Variants in KCNQ1 observed in about 807,000 individuals in gnomAD.
KCNQ1 encodes potassium voltage-gated channel subfamily KQT member 1.
Under a neutral mutation model 72.4 loss-of-function variants are expected in KCNQ1, and 49 were observed. That is an observed-to-expected ratio of 0.68 (90% CI 0.54 to 0.86). The LOEUF is 0.86. Among genes scored for constraint, KCNQ1 ranks in the 40% least tolerant of loss-of-function variants. The probability of loss-of-function intolerance (pLI) is 0.00; values close to 1 mark genes in which losing one functional copy is unlikely to be tolerated. For missense variants in KCNQ1, 790 were observed against 945.1 expected (o/e 0.84, Z 2.15); for synonymous variants, 450 against 412.6 (o/e 1.09, Z -1.10).
rs764403483 is a variant in KCNQ1 at position 2,572,926 on chromosome 11, G to A, written c.861G>A (p.Ala287=). ...SYFVYLAEKD[A]VNESGRVEFG... is the part of the protein sequence containing the mutation. ...TTGTGTACCTGGCTGAGAAGGACGCGGTGAACGAGTCAGGCCGCGTGGAGT... is the reference window on the plus strand; with the variant it reads ...TTGTGTACCTGGCTGAGAAGGACGCAGTGAACGAGTCAGGCCGCGTGGAGT... The change falls in exon 6 of 16, where the codon GCG becomes GCA. Residue 287 remains alanine, a synonymous_variant. Transcript: ENST00000155840. The A allele has an allele frequency of 1.8e-5, 29 of 1,613,710 alleles. No individual in the cohort carries two copies. In the South Asian group the frequency reaches 2.0e-4, roughly 11 times the overall value.
rs199472686 is a variant in KCNQ1 at position 2,527,948 on chromosome 11, G to T, written c.407G>T (p.Cys136Phe). 1.2e-6 allele frequency: 2 copies of T among 1,614,098 alleles called. No individual in the cohort carries two copies. The highest frequency in any genetic ancestry group is 1.7e-6 in the Non-Finnish European group (2 of 1,180,014). ...HFAVFLIVLV[C>F]LIFSVLSTIE... ...TGCAGCTTCCTCATCGTCCTGGTCT[G>T]CCTCATCTTCAGCGTGCTGTCCACC... is the stretch of plus-strand genomic sequence containing the variant. Residue 136 changes from cysteine to phenylalanine, a missense_variant, in exon 2 of 16, where the codon TGC becomes TTC. Physicochemically the swap from Cys to Phe is radical, Grantham distance 205. Coordinates refer to ENST00000155840, the MANE Select transcript of KCNQ1 (RefSeq NM_000218.3).
In KCNQ1 at chr11:2,767,703, A is replaced by G. The variant is rs567191418; in HGVS notation, c.1515-1141A>G. ...CTTCTAGATAGCTTCTAAACCCCAA[A>G]GCTTCTCTCCACAGTGCCATGCGTC... is the stretch of plus-strand genomic sequence containing the variant. On this transcript the variant is annotated intron_variant, in intron 11 of 15. Transcript: ENST00000155840. This position sits in a 1 kb window ranked among gnomAD's most constrained non-coding sequence, Gnocchi z 4.6. Among the ~76,000 whole-genome samples, 4 of 152,294 alleles carry G rather than the reference A, an allele frequency of 2.6e-5. No homozygotes were observed. Among genetic ancestry groups the G allele is most frequent in the African/African-American group, 9.6e-5 (4 of 41,558 alleles).
chr11:2,522,694 TGACAGCCAGCCTGGCCCA>T (rs1269902516), intron 1 of KCNQ1, among the ~76,000 whole-genome samples: 2 of 152,266 alleles, frequency 1.3e-5, no homozygotes, highest in African/African-American at 4.8e-5. Flanking sequence ...ATGGCAAGGC[TGACAGCCAGCCTGGCCCA>T]TGGGCACCTG....
chr11:2,610,652 G>C, intron 10 of KCNQ1: 1 of 395,912 alleles, frequency 2.5e-6, no homozygotes. Flanking sequence ...TTGTTTATCT[G>C]GGAATGCTTT....
At chr11:2,694,014 T>C in intron 11 of KCNQ1, 1 of 398,688 alleles carries the variant, frequency 2.5e-6, no homozygotes, top group Non-Finnish European at 4.4e-6. Context: ...CACCTCCAAC[T>C]TGGTCAAGCC....
At position 2,720,883 on chromosome 11, in the gene KCNQ1, T is replaced by G. The variant is rs1265630282; in HGVS notation, c.1515-47961T>G. Among the ~76,000 whole-genome samples the G allele has an allele frequency of 3.3e-5, 5 of 152,056 alleles. No individual in the cohort carries two copies. The highest frequency in any genetic ancestry group is 5.9e-5 in the Non-Finnish European group (4 of 67,998). On this transcript the variant is annotated intron_variant, in intron 11 of 15. Transcript: ENST00000155840. This position sits in a 1 kb window ranked among gnomAD's most constrained non-coding sequence, Gnocchi z 5.1. ...TGGGAGTTGGGGCCTGGCCTGGACC[T>G]CGAGGCCACTGGGGACTTGGCTACC...
At chr11:2,467,211 G>T (rs1291204474) in intron 1 of KCNQ1, among the ~76,000 whole-genome samples, 1 of 152,186 alleles carries the variant, frequency 6.6e-6, no homozygotes, top group East Asian at 1.9e-4. Flanking sequence ...CTGTGAGGGG[G>T]TCTGGGTTTA....
rs1405559782 is a variant in KCNQ1, at chr11:2,588,353, C to G, written c.1252-360C>G. ...CAGCCTGCTCCCTCACTTCAGGCGC[C>G]CTCTTCATGCCCTGCTGGCCCCCAG... On this transcript the variant is annotated intron_variant, in intron 9 of 15. Coordinates refer to ENST00000155840, the MANE Select transcript of KCNQ1 (RefSeq NM_000218.3). The surrounding 1 kb of genome is among the most constrained non-coding windows in gnomAD (Gnocchi z 5.6). Among the ~76,000 whole-genome samples the G allele has an allele frequency of 6.6e-6, 1 of 152,218 alleles. No homozygotes were observed. The highest frequency in any genetic ancestry group is 1.5e-5 in the Non-Finnish European group (1 of 68,036).
chr11:2,771,983 G>A (rs1371311167), intron 12 of KCNQ1, among the ~76,000 whole-genome samples: 1 of 152,152 alleles, frequency 6.6e-6, no homozygotes, highest in Non-Finnish European at 1.5e-5. Flanking sequence ...CCTGGCCCTG[G>A]GAGCCTTGCA....
At chr11:2,455,188 C>G (rs1242174057) in intron 1 of KCNQ1, among the ~76,000 whole-genome samples, 3 of 151,852 alleles carry the variant, frequency 2.0e-5, no homozygotes, top group East Asian at 1.9e-4. Context: ...AGCTCTGCCT[C>G]CCAGGTTCAC....
At position 2,585,121 on chromosome 11, in the gene KCNQ1, C is replaced by G; in HGVS notation, c.1033-91C>G. ...TCCAGCACTGACCATACCTGGCCTT[C>G]CCACAACGGTGACCGGTAACCACGT... On this transcript the variant is annotated intron_variant, in intron 7 of 15. Coordinates refer to ENST00000155840, the MANE Select transcript of KCNQ1 (RefSeq NM_000218.3). 3 of 1,175,496 alleles carry G rather than the reference C, an allele frequency of 2.6e-6. No homozygotes were observed. The South Asian group carries it at 3.7e-5, about 14-fold the overall frequency. 72.8% of individuals were successfully genotyped at this position (1,175,496 alleles called of 1,614,324 possible).
In KCNQ1 at chr11:2,588,236, G is replaced by A. The variant is rs1405320898; in HGVS notation, c.1252-477G>A. Among the ~76,000 whole-genome samples the A allele has an allele frequency of 6.6e-6, 1 of 152,086 alleles. No individual in the cohort carries two copies. Among genetic ancestry groups the A allele is most frequent in the Non-Finnish European group, 1.5e-5 (1 of 67,984 alleles). ...CCTTCCTGGCCCGTGCCCACCCCCT[G>A]TGGAGAGACCTGGCCTTCCCAGTTT... is the stretch of plus-strand genomic sequence containing the variant. On this transcript the variant is annotated intron_variant, in intron 9 of 15. Transcript: ENST00000155840. This position sits in a 1 kb window ranked among gnomAD's most constrained non-coding sequence, Gnocchi z 5.6.
chr11:2,704,539 AG>A lies in KCNQ1; in HGVS notation c.1514+42460del, dbSNP rs1442517323. On this transcript the variant is annotated intron_variant, in intron 11 of 15. Transcript: ENST00000155840. This position sits in a 1 kb window ranked among gnomAD's most constrained non-coding sequence, Gnocchi z 4.3. ...AGGGGAGGCACAGTGGGGAGTCTCT[AG>A]GAGGTTTTGGGCAAGGCAGTGCCAA... is the stretch of plus-strand genomic sequence containing the variant. Among the ~76,000 whole-genome samples the A allele has an allele frequency of 6.6e-6, 1 of 151,994 alleles. No homozygotes were observed. The highest frequency in any genetic ancestry group is 2.4e-5 in the African/African-American group (1 of 41,270).
rs141747786 is a variant in KCNQ1, at chr11:2,526,602, T to C, written c.387-1326T>C. Among the ~76,000 whole-genome samples, 5,741 of 146,120 alleles carry C rather than the reference T, an allele frequency of 0.039. 341 individuals are homozygous for C. The highest frequency in any genetic ancestry group is 0.13 in the African/African-American group (5,319 of 39,830). Reference sequence around the variant, plus strand: ...GCCCCACCTTCCCCAGAAACCTCCGTGCAGCAGGAGGATGAGCCGAGGCAG... The same window carrying C: ...GCCCCACCTTCCCCAGAAACCTCCGCGCAGCAGGAGGATGAGCCGAGGCAG... On this transcript the variant is annotated intron_variant, in intron 1 of 15. Transcript: ENST00000155840. This position sits in a 1 kb window ranked among gnomAD's most constrained non-coding sequence, Gnocchi z 6.1.
chr11:2,694,483 C>T (rs1311758077), intron 11 of KCNQ1: 3 of 398,474 alleles, frequency 7.5e-6, no homozygotes, highest in Non-Finnish European at 1.3e-5. Context: ...CATCCTGTCC[C>T]AAGCATTACC....
In KCNQ1 at chr11:2,556,133, G is replaced by A. The variant is rs11023283; in HGVS notation, c.478-14495G>A. 1.4e-3 allele frequency among the ~76,000 whole-genome samples: 215 copies of A among 152,248 alleles called. 4 individuals carry two copies. In the East Asian group the frequency reaches 0.032, roughly 22 times the overall value. On this transcript the variant is annotated intron_variant, in intron 2 of 15. Coordinates refer to ENST00000155840, the MANE Select transcript of KCNQ1 (RefSeq NM_000218.3). ...TGGAAGGGTTCCCGGTCGACGCATCGCACCAGACCCTGCCTCCGCCTCCAT... is the reference window on the plus strand; with the variant it reads ...TGGAAGGGTTCCCGGTCGACGCATCACACCAGACCCTGCCTCCGCCTCCAT...
chr11:2,548,289 A>G (rs571467571), intron 2 of KCNQ1, among the ~76,000 whole-genome samples: 1 of 152,160 alleles, frequency 6.6e-6, no homozygotes, highest in Non-Finnish European at 1.5e-5. Flanking sequence ...TAGACTGGGA[A>G]CGTCTTTTGC....
At chr11:2,757,828 C>T (rs914707523) in intron 11 of KCNQ1, among the ~76,000 whole-genome samples, 3 of 152,192 alleles carry the variant, frequency 2.0e-5, no homozygotes, top group Admixed American at 6.5e-5. Flanking sequence ...TTTCAACACA[C>T]GGTACAGGAG....
chr11:2,692,802 T>G (rs12275726), intron 11 of KCNQ1: 17 of 398,694 alleles, frequency 4.3e-5, no homozygotes, highest in African/African-American at 3.1e-4. Flanking sequence ...CTTGAATGAC[T>G]GCATCCCTAA....
Sources: gnomAD v4.1 joint callset for allele counts (sites outside exome capture counted in the v4.1 genomes callset) on GRCh38, gnomAD v4.1.1 for gene constraint, Gnocchi (gnomAD v3.1) non-coding constraint, MANE v1.5 for transcripts, NCBI Gene and HGNC (gene_info 2026-07-23, HGNC 2026-07-21) for gene names.